Variants in USH2A observed in about 807,000 individuals in gnomAD.
The protein encoded by USH2A is Usher syndrome 2A (autosomal recessive, mild).
Under a neutral mutation model 538.9 loss-of-function variants are expected in USH2A, and 443 were observed. The ratio of observed to expected loss-of-function variants is 0.82; its 90% CI spans 0.76 to 0.89. The LOEUF (loss-of-function observed/expected upper bound fraction) is 0.89, where lower values mean the gene tolerates loss of function less well. Ranked by LOEUF, USH2A falls within the 40% of genes least tolerant of loss-of-function variation. The pLI is 0.00. For synonymous variants in USH2A, 2,413 were observed against 2,273.5 expected (o/e 1.06, Z -1.75); for missense variants, 6,633 against 6,324.8 (o/e 1.05, Z -1.65).
intron 71 of USH2A, 62 bp from the exon 72 acceptor site, chr1:215,625,932 TTA>T: frequency 6.8e-7 from 1 of 1,474,656 alleles, no homozygotes; most frequent in South Asian, 1.1e-5. Flanking sequence ...TGCTATCAAT[TTA>T]TAGTTATATC....
intron 3 of USH2A, among the ~76,000 whole-genome samples, chr1:216,386,040 C>G (rs2102739497): frequency 6.6e-6 from 1 of 152,276 alleles, no homozygotes; most frequent in South Asian, 2.1e-4. Context: ...TGTCTTATCT[C>G]TTTCACTAAA....
intron 4 of USH2A, among the ~76,000 whole-genome samples, chr1:216,329,970 A>G (rs184937184): frequency 1.9e-3 from 296 of 152,282 alleles, no homozygotes; most frequent in African/African-American, 6.9e-3. Flanking sequence ...AAAATATTTT[A>G]TATAACCTCT....
intron 3 of USH2A, among the ~76,000 whole-genome samples, chr1:216,372,444 T>C (rs2038731182): frequency 6.6e-6 from 1 of 152,180 alleles, no homozygotes; most frequent in Non-Finnish European, 1.5e-5. Context: ...ATTTGTGCCC[T>C]GGGTATGATT....
In USH2A at chr1:215,674,785, A is replaced by C. The variant is rs775490668; in HGVS notation, c.13126T>G (p.Trp4376Gly). 9.3e-6 allele frequency: 15 copies of C among 1,614,058 alleles called. No homozygotes were observed. In the South Asian group the frequency reaches 1.6e-4, roughly 18 times the overall value. Reference protein sequence around the residue: ...AVSATQMNVCWSPPTVQNGKI... With the variant: ...AVSATQMNVCGSPPTVQNGKI... ...CCATTTTGCACTGTGGGCGGTGACC[A>C]ACATACATTCATTTGAGTGGCACTG... The change falls in exon 63 of 72, where the codon TGG becomes GGG. Residue 4376 changes from tryptophan to glycine, a missense_variant. Physicochemically the swap from Trp to Gly is radical, Grantham distance 184. Transcript: ENST00000307340.
intron 11 of USH2A, among the ~76,000 whole-genome samples, chr1:216,265,385 A>G (rs1425005714): frequency 6.6e-6 from 1 of 152,124 alleles, no homozygotes; most frequent in Non-Finnish European, 1.5e-5. Context: ...GAATTCTTAT[A>G]CACTGTTGGT....
chr1:215,997,839 C>T (rs1425566181), intron 34 of USH2A, among the ~76,000 whole-genome samples: 1 of 152,092 alleles, frequency 6.6e-6, no homozygotes, highest in East Asian at 1.9e-4. Flanking sequence ...GGTAATAAAA[C>T]TGTACATAAC....
At chr1:215,844,193 T>G (rs1663774557) in intron 46 of USH2A, 101 bp downstream of exon 46, 1 of 1,265,650 alleles carries the variant, frequency 7.9e-7, no homozygotes, top group African/African-American at 1.5e-5. Flanking sequence ...ACCAAAGAAA[T>G]AATCTGTAAC....
At chr1:215,686,777 T>C (rs1658436756) in intron 61 of USH2A, among the ~76,000 whole-genome samples, 1 of 152,066 alleles carries the variant, frequency 6.6e-6, no homozygotes, top group South Asian at 2.1e-4. Context: ...CCAATAAGTA[T>C]AGATTGCCAT....
intron 15 of USH2A, among the ~76,000 whole-genome samples, chr1:216,209,577 GATATA>G (rs1243828990): frequency 5.9e-5 from 9 of 152,188 alleles, no homozygotes; most frequent in African/African-American, 1.4e-4. Context: ...CTGTCTAAAA[GATATA>G]ATATAATCAA....
intron 47 of USH2A, among the ~76,000 whole-genome samples, chr1:215,829,731 A>G (rs1230455014): frequency 6.6e-6 from 1 of 152,240 alleles, no homozygotes; most frequent in Admixed American, 6.5e-5. Context: ...TTGGCAGCCT[A>G]TAGTTGCTCA....
chr1:215,877,717 C>T, intron 43 of USH2A, 41 bp downstream of exon 43: 2 of 1,612,274 alleles, frequency 1.2e-6, no homozygotes, highest in Non-Finnish European at 1.7e-6. Context: ...ATGCCCAGAA[C>T]TAAATGCCAG....
chr1:216,280,628 A>C lies in USH2A; in HGVS notation c.1971+8652T>G, dbSNP rs930301031. ...TTCTCTCTGTCTTGACTGTGGCATC[A>C]GTATTTTTAGGATTCAGTGACTCAG... On this transcript the variant is annotated intron_variant, in intron 11 of 71. Transcript: ENST00000307340. Among the ~76,000 whole-genome samples the C allele has an allele frequency of 4.6e-5, 7 of 152,212 alleles. No homozygotes were observed. The East Asian group carries it at 9.6e-4, about 21-fold the overall frequency.
chr1:215,785,884 C>T (rs1374737222), intron 52 of USH2A, among the ~76,000 whole-genome samples: 1 of 151,390 alleles, frequency 6.6e-6, no homozygotes, highest in Non-Finnish European at 1.5e-5. Context: ...TTAGCTTGCT[C>T]AAATTATGTC....
intron 61 of USH2A, among the ~76,000 whole-genome samples, chr1:215,722,259 T>C (rs1659685933): frequency 6.6e-6 from 1 of 152,162 alleles, no homozygotes; most frequent in South Asian, 2.1e-4. Context: ...TTTCTTCACA[T>C]TAGAAAGATA....
At chr1:215,885,838 G>T (rs545670819) in intron 41 of USH2A, among the ~76,000 whole-genome samples, 1 of 152,260 alleles carries the variant, frequency 6.6e-6, no homozygotes, top group East Asian at 1.9e-4. Context: ...TAACACTAAG[G>T]TGAAATACCA....
intron 70 of USH2A, among the ~76,000 whole-genome samples, chr1:215,629,532 T>C (rs1656187601): frequency 6.6e-6 from 1 of 152,210 alleles, no homozygotes; most frequent in Admixed American, 6.5e-5. Flanking sequence ...TTAAAAGTCC[T>C]GGATTTGTGT....
chr1:215,637,398 T>C (rs1656528893), intron 69 of USH2A, among the ~76,000 whole-genome samples: 1 of 152,208 alleles, frequency 6.6e-6, no homozygotes, highest in Non-Finnish European at 1.5e-5. Context: ...CTATGCGTAC[T>C]TAACTTGGCA....
intron 38 of USH2A, 42 bp downstream of exon 38, chr1:215,934,574 C>A: frequency 4.4e-6 from 7 of 1,588,304 alleles, no homozygotes; most frequent in Non-Finnish European, 6.0e-6. Context: ...AATTCTAGGG[C>A]ATTTATATAA....
intron 21 of USH2A, among the ~76,000 whole-genome samples, chr1:216,126,605 T>A (rs571483039): frequency 1.2e-3 from 177 of 152,206 alleles, no homozygotes; most frequent in African/African-American, 4.0e-3. Flanking sequence ...ACCCCATTTG[T>A]ATGTAAAAAG....
Sources: gnomAD v4.1 joint callset for allele counts (sites outside exome capture counted in the v4.1 genomes callset) on GRCh38, gnomAD v4.1.1 for gene constraint, MANE v1.5 for transcripts, NCBI Gene and HGNC (gene_info 2026-07-23, HGNC 2026-07-21) for gene names.